Variants in RBFOX1 observed in about 807,000 individuals in gnomAD.
The protein encoded by RBFOX1 is RNA binding fox-1 homolog 1.
In RBFOX1, 8 loss-of-function variants were observed where a neutral mutation model predicts 57.7. The observed-to-expected ratio is 0.14, with a 90% CI of 0.08 to 0.25. The LOEUF is 0.25. Ranked by LOEUF, RBFOX1 falls within the 10% of genes least tolerant of loss-of-function variation. RBFOX1 has a pLI of 1.00. For missense variants in RBFOX1, 611 were observed against 548.5 expected (o/e 1.11, Z -1.14); for synonymous variants, 326 against 222.4 (o/e 1.47, Z -4.15).
chr16:7,070,874 C>G (rs536259046), intron 4 of RBFOX1, among the ~76,000 whole-genome samples: 1 of 152,150 alleles, frequency 6.6e-6, no homozygotes, highest in African/African-American at 2.4e-5. Context: ...ACAAAACCAG[C>G]ACTGACAAGA....
chr16:7,033,293 G>A (rs989136204), intron 3 of RBFOX1, among the ~76,000 whole-genome samples: 1 of 152,188 alleles, frequency 6.6e-6, no homozygotes, highest in South Asian at 2.1e-4. Context: ...GCCGAGGCGG[G>A]CAGATCACCC....
chr16:6,849,132 C>T (rs1735865701), intron 3 of RBFOX1, among the ~76,000 whole-genome samples: 2 of 152,096 alleles, frequency 1.3e-5, no homozygotes, highest in African/African-American at 4.8e-5. Context: ...ATATAATCAT[C>T]CCCAGAGAGT....
chr16:5,475,591 G>A (rs530505255), intron 2 of RBFOX1, among the ~76,000 whole-genome samples: 4 of 152,230 alleles, frequency 2.6e-5, no homozygotes, highest in Non-Finnish European at 2.9e-5. Context: ...TAATATTTAT[G>A]TGGAGGGTTA....
upstream of RBFOX1, among the ~76,000 whole-genome samples, chr16:6,018,197 A>AAAGCGAGGGAGGAAGG (rs2095010217): frequency 6.9e-6 from 1 of 145,490 alleles, no homozygotes; most frequent in African/African-American, 2.6e-5. Context: ...AGGAAGGAAG[A>AAAGCGAGGGAGGAAGG]AAGGGAGGGA....
chr16:6,867,081 C>T (rs1381564442), intron 3 of RBFOX1, among the ~76,000 whole-genome samples: 1 of 150,600 alleles, frequency 6.6e-6, no homozygotes. Context: ...AAATTTCATT[C>T]TAACCAGCAA....
At chr16:6,840,654 C>T (rs9888926) in intron 3 of RBFOX1, among the ~76,000 whole-genome samples, 1,524 of 151,876 alleles carry the variant, frequency 0.01, 24 homozygotes, top group African/African-American at 0.035. Flanking sequence ...TTTGGGAGGC[C>T]GAGGCTGGTG....
Position 5,259,565 on chromosome 16 carries a change from T to C in RBFOX1, c.219+19460T>C, listed in dbSNP as rs544560177. ...GCTTGTGAAGTGAGCTTTCAGTGGG[T>C]GCTCAGTGGAACAGGTGCTGAATGG... On this transcript the variant is annotated intron_variant, in intron 1 of 2. Coordinates refer to the RBFOX1 transcript ENST00000585867. 2.6e-5 allele frequency among the ~76,000 whole-genome samples: 4 copies of C among 152,326 alleles called. No individual in the cohort carries two copies. In the East Asian group the frequency reaches 5.8e-4, roughly 22 times the overall value.
At chr16:7,217,199 G>T (rs934303432) in intron 4 of RBFOX1, among the ~76,000 whole-genome samples, 2 of 151,066 alleles carry the variant, frequency 1.3e-5, no homozygotes, top group African/African-American at 4.9e-5. Flanking sequence ...CCGCCTTCCG[G>T]ATTGAAGAGA....
chr16:6,002,271 G>A (rs879372405), intron 4 of RBFOX1, among the ~76,000 whole-genome samples: 1 of 152,122 alleles, frequency 6.6e-6, no homozygotes, highest in Non-Finnish European at 1.5e-5. Flanking sequence ...GCGACCGCTC[G>A]TGGCTACCAT....
At chr16:7,349,052 T>C (rs1326401006) in intron 4 of RBFOX1, among the ~76,000 whole-genome samples, 1 of 152,170 alleles carries the variant, frequency 6.6e-6, no homozygotes, top group Admixed American at 6.5e-5. Context: ...AATGGGGACA[T>C]TGAAAAATGT....
intron 3 of RBFOX1, among the ~76,000 whole-genome samples, chr16:6,693,969 A>G (rs1227362927): frequency 1.3e-5 from 2 of 152,360 alleles, no homozygotes; most frequent in East Asian, 1.9e-4. Context: ...TTTACAGATG[A>G]CAAAACCAAG....
chr16:6,376,275 G>A (rs971364048), intron 2 of RBFOX1, among the ~76,000 whole-genome samples: 10 of 148,326 alleles, frequency 6.7e-5, no homozygotes, highest in African/African-American at 2.5e-4. Flanking sequence ...GCGGTGTGTT[G>A]TGTTGGGTTT....
At chr16:5,675,427 C>T (rs976980345) in intron 3 of RBFOX1, among the ~76,000 whole-genome samples, 4 of 152,210 alleles carry the variant, frequency 2.6e-5, no homozygotes, top group Non-Finnish European at 4.4e-5. Flanking sequence ...TTCAGCCAGG[C>T]GGCCACAGAT....
chr16:5,322,865 C>T (rs2064451677), intron 1 of RBFOX1, among the ~76,000 whole-genome samples: 1 of 152,184 alleles, frequency 6.6e-6, no homozygotes, highest in African/African-American at 2.4e-5. Context: ...AATCACTCAC[C>T]TGTCATACTG....
chr16:6,128,508 G>A (rs759548345), intron 1 of RBFOX1, among the ~76,000 whole-genome samples: 1 of 152,182 alleles, frequency 6.6e-6, no homozygotes, highest in Admixed American at 6.6e-5. Context: ...CTGGCTTTCT[G>A]TCCAGGAGCC....
At chr16:6,060,153 T>C (rs2095666941) in intron 1 of RBFOX1, among the ~76,000 whole-genome samples, 1 of 107,900 alleles carries the variant, frequency 9.3e-6, no homozygotes, top group Non-Finnish European at 1.9e-5. Flanking sequence ...TTTTTTTTTT[T>C]TTTTTACGTA....
intron 4 of RBFOX1, among the ~76,000 whole-genome samples, chr16:5,875,490 A>G (rs532627141): frequency 8.5e-5 from 13 of 152,350 alleles, no homozygotes; most frequent in African/African-American, 3.1e-4. Context: ...CTTATGGCTT[A>G]TTCTGAGAAG....
intron 3 of RBFOX1, among the ~76,000 whole-genome samples, chr16:6,689,439 T>C (rs1248405560): frequency 6.6e-6 from 1 of 152,176 alleles, no homozygotes; most frequent in Non-Finnish European, 1.5e-5. Context: ...TATTTTTATA[T>C]GGTAATTTCT....
chr16:6,493,860 A>G (rs1278604377), intron 2 of RBFOX1, among the ~76,000 whole-genome samples: 1 of 152,228 alleles, frequency 6.6e-6, no homozygotes, highest in Non-Finnish European at 1.5e-5. Context: ...AATAATCAGT[A>G]TAAACTATGC....
Sources: allele counts gnomAD v4.1 joint callset (sites outside exome capture counted in the v4.1 genomes callset), GRCh38; gene constraint gnomAD v4.1.1; transcripts MANE v1.5; gene names NCBI Gene and HGNC (gene_info 2026-07-23, HGNC 2026-07-21).